WWOX: variants seen among roughly 807,000 people sequenced by gnomAD.
WWOX encodes WW domain containing oxidoreductase.
A neutral mutation model predicts 46.2 loss-of-function variants in WWOX; 69 were observed. The ratio of observed to expected loss-of-function variants is 1.49; its 90% confidence interval spans 1.23 to 1.82. The LOEUF (loss-of-function observed/expected upper bound fraction) is 1.82, where lower values mean the gene tolerates loss of function less well. Among genes scored for constraint, WWOX ranks in the 40% most tolerant of loss-of-function variants. The pLI, the probability that WWOX is intolerant of heterozygous loss-of-function variation, is 0.00. For missense variants in WWOX, 919 were observed against 542.6 expected (o/e 1.69, Z -6.89); for synonymous variants, 359 against 202.6 (o/e 1.77, Z -6.56).
intron 5 of WWOX, among the ~76,000 whole-genome samples, chr16:78,253,284 A>G (rs1189526424): frequency 6.6e-6 from 1 of 152,202 alleles, no homozygotes; most frequent in Non-Finnish European, 1.5e-5. Context: ...CCAGTAATTT[A>G]TTAATAATAG....
At chr16:78,710,228 C>A (rs2048410194) in intron 8 of WWOX, among the ~76,000 whole-genome samples, 1 of 151,554 alleles carries the variant, frequency 6.6e-6, no homozygotes, top group South Asian at 2.1e-4. Flanking sequence ...CTTGGGGCAC[C>A]TGGGGACTGG....
intron 8 of WWOX, among the ~76,000 whole-genome samples, chr16:79,202,417 T>G (rs574240172): frequency 6.6e-6 from 1 of 152,176 alleles, no homozygotes; most frequent in Non-Finnish European, 1.5e-5. Context: ...CGAGATTCTT[T>G]TGCTAGAAAG....
At chr16:78,167,573 A>G (rs2035014218) in intron 5 of WWOX, 1 of 152,206 alleles carries the variant, frequency 6.6e-6, no homozygotes, top group African/African-American at 2.4e-5. Context: ...TAGATTTGAT[A>G]GGTTGTAGGC....
At chr16:78,397,461 G>A (rs1037423000) in intron 6 of WWOX, among the ~76,000 whole-genome samples, 3 of 152,176 alleles carry the variant, frequency 2.0e-5, no homozygotes, top group African/African-American at 4.8e-5. Flanking sequence ...ACATTTTACA[G>A]ACTAAGAAAT....
At chr16:78,628,804 C>T (rs780739255) in intron 8 of WWOX, among the ~76,000 whole-genome samples, 16 of 152,076 alleles carry the variant, frequency 1.1e-4, no homozygotes, top group South Asian at 2.1e-4. Context: ...ATGTTGATGC[C>T]GACGACTAGC....
At chr16:78,179,888 A>G (rs1420860823) in intron 5 of WWOX, 1 of 152,216 alleles carries the variant, frequency 6.6e-6, no homozygotes, top group East Asian at 1.9e-4. Context: ...TTTGGTAAAT[A>G]TTTACTGAGT....
chr16:78,601,174 CAT>C (rs1164708573), intron 8 of WWOX, among the ~76,000 whole-genome samples: 8 of 152,220 alleles, frequency 5.3e-5, no homozygotes, highest in African/African-American at 1.9e-4. Flanking sequence ...CTCTGCCACT[CAT>C]ATAGAACTCC....
At chr16:78,667,081 T>C (rs2047348097) in intron 8 of WWOX, among the ~76,000 whole-genome samples, 1 of 152,208 alleles carries the variant, frequency 6.6e-6, no homozygotes, top group Non-Finnish European at 1.5e-5. Flanking sequence ...TATCGGATCT[T>C]TGTGTACTTG....
intron 8 of WWOX, among the ~76,000 whole-genome samples, chr16:79,109,502 C>T (rs972228003): frequency 6.6e-6 from 1 of 151,996 alleles, no homozygotes; most frequent in Non-Finnish European, 1.5e-5. Context: ...GTTGTTAATC[C>T]TCCGGGCTAA....
At chr16:78,774,493 ATT>A (rs1491361364) in intron 8 of WWOX, among the ~76,000 whole-genome samples, 3 of 122,226 alleles carry the variant, frequency 2.5e-5, no homozygotes, top group South Asian at 2.8e-4. Flanking sequence ...TGACAGACCC[ATT>A]TTGTGTGTGT....
chr16:79,154,914 A>G (rs960004660), intron 8 of WWOX, among the ~76,000 whole-genome samples: 4 of 152,230 alleles, frequency 2.6e-5, no homozygotes, highest in Non-Finnish European at 5.9e-5. Context: ...TTTGGAAAAA[A>G]TGAAAGAAAG....
intron 4 of WWOX, among the ~76,000 whole-genome samples, chr16:78,133,531 G>C (rs1214390407): frequency 6.6e-6 from 1 of 151,876 alleles, no homozygotes; most frequent in Non-Finnish European, 1.5e-5. Flanking sequence ...AAAGTGCTGG[G>C]ATTACAGGCT....
At chr16:78,916,891 A>G (rs2045264333) in intron 8 of WWOX, among the ~76,000 whole-genome samples, 2 of 152,180 alleles carry the variant, frequency 1.3e-5, no homozygotes, top group South Asian at 4.1e-4. Context: ...TAATTAACTG[A>G]AAGATATAGG....
chr16:78,881,828 A>G (rs1334640298), intron 8 of WWOX, among the ~76,000 whole-genome samples: 1 of 152,214 alleles, frequency 6.6e-6, no homozygotes. Context: ...TTCTCGAATT[A>G]GAAGAACTGA....
At chr16:78,336,668 A>G (rs1301873600) in intron 5 of WWOX, among the ~76,000 whole-genome samples, 1 of 152,110 alleles carries the variant, frequency 6.6e-6, no homozygotes, top group African/African-American at 2.4e-5. Flanking sequence ...GCCTGTTGCC[A>G]TGGGGGAACA....
chr16:78,749,135 AC>A (rs1314796746), intron 8 of WWOX, among the ~76,000 whole-genome samples: 2 of 152,202 alleles, frequency 1.3e-5, no homozygotes, highest in African/African-American at 2.4e-5. Context: ...GTCCTCCATG[AC>A]CAAGGGCTGT....
chr16:78,821,670 A>T lies in WWOX; in HGVS notation c.1056+388918A>T, dbSNP rs530864486. 1.1e-4 allele frequency among the ~76,000 whole-genome samples: 16 copies of T among 152,304 alleles called. No homozygotes were observed. The South Asian group carries it at 3.3e-3, about 32-fold the overall frequency. ...AGCACTGAGGCATGTGGTCGTTCAC[A>T]GGTGACAAAGACAGAGGCTCAGGGA... On this transcript the variant is annotated intron_variant, in intron 8 of 8. Coordinates refer to ENST00000566780, the MANE Select transcript of WWOX (RefSeq NM_016373.4).
At chr16:78,694,881 C>G (rs116674913) in intron 8 of WWOX, among the ~76,000 whole-genome samples, 2 of 151,684 alleles carry the variant, frequency 1.3e-5, no homozygotes, top group Admixed American at 6.6e-5. Context: ...CCTGCACTTT[C>G]TAAATGGCCT....
At chr16:78,236,838 A>G (rs918735252) in intron 5 of WWOX, among the ~76,000 whole-genome samples, 1 of 152,122 alleles carries the variant, frequency 6.6e-6, no homozygotes, top group African/African-American at 2.4e-5. Context: ...GCACTTTGGG[A>G]GGCCGAGATG....
Sources: gnomAD v4.1 joint callset for allele counts (sites outside exome capture counted in the v4.1 genomes callset) on GRCh38, gnomAD v4.1.1 for gene constraint, MANE v1.5 for transcripts, NCBI Gene and HGNC (gene_info 2026-07-23, HGNC 2026-07-21) for gene names.